SIVA1: variants seen among roughly 807,000 people sequenced by gnomAD.
SIVA1 encodes the protein SIVA1 apoptosis inducing factor.
In SIVA1, 10 loss-of-function variants were observed where a neutral mutation model predicts 19.7. The observed-to-expected ratio is 0.51, with a 90% CI of 0.31 to 0.86. The LOEUF (loss-of-function observed/expected upper bound fraction) is 0.86, where lower values mean the gene tolerates loss of function less well. SIVA1 is among the 40% of genes least tolerant of loss of function. SIVA1 has a pLI of 0.04. For synonymous variants in SIVA1, 130 were observed against 106.1 expected (o/e 1.23, Z -1.39); for missense variants, 241 against 245.2 (o/e 0.98, Z 0.11).
rs1892011018 is a variant in SIVA1, at chr14:104,759,402, C to T, written c.471-26C>T. The T allele has an allele frequency of 6.2e-7, 1 of 1,608,024 alleles. No homozygotes were observed. The highest frequency in any genetic ancestry group is 1.3e-5 in the African/African-American group (1 of 74,732). The stretch of plus-strand genomic sequence containing the variant: ...AATTCAGCCCCTGACAGCAGCTTTT[C>T]TCTCCCCTCCCTGACGCTGTCGCAG... On this transcript the variant is annotated intron_variant, in intron 3 of 3. Transcript: ENST00000329967. This position sits in a 1 kb window ranked among gnomAD's most constrained non-coding sequence, Gnocchi z 4.2.
chr14:104,755,558 A>G, intron 1 of SIVA1, 72 bp from the exon 2 acceptor site: 2 of 1,330,660 alleles, frequency 1.5e-6, no homozygotes, highest in South Asian at 1.2e-5. Flanking sequence ...TGAGGCTAGA[A>G]AGACTCAATG....
chr14:104,756,519 A>T (rs1393515391), intron 2 of SIVA1, 85 bp from the exon 3 acceptor site: 2 of 1,510,504 alleles, frequency 1.3e-6, no homozygotes, highest in African/African-American at 2.7e-5. Context: ...CTCTGCCCTC[A>T]GGTATGCATG....
chr14:104,754,577 C>T (rs1404285992), intron 1 of SIVA1, among the ~76,000 whole-genome samples: 2 of 152,178 alleles, frequency 1.3e-5, no homozygotes, highest in East Asian at 1.9e-4. Flanking sequence ...TGCCACTCAC[C>T]GGGTCAGGTC....
intron 3 of SIVA1, chr14:104,757,660 C>G (rs938066897): frequency 7.8e-5 from 12 of 153,328 alleles, no homozygotes; most frequent in African/African-American, 2.9e-4. Context: ...GATACTCTGT[C>G]TTTGCTTTTC....
chr14:104,753,418 C>A lies in SIVA1; in HGVS notation c.118+99C>A, dbSNP rs545679072. ...GAGGCCTGAGCGGGGGGCTGGAGGGCCCTGCTTTCTGGCCCCGCGTTCCCG... is the reference window on the plus strand; with the variant it reads ...GAGGCCTGAGCGGGGGGCTGGAGGGACCTGCTTTCTGGCCCCGCGTTCCCG... On this transcript the variant is annotated intron_variant, in intron 1 of 3. Coordinates refer to ENST00000329967, the MANE Select transcript of SIVA1 (RefSeq NM_006427.4). 1.1e-5 allele frequency: 9 copies of A among 800,556 alleles called. No homozygotes were observed. In the East Asian group the frequency reaches 2.1e-4, roughly 19 times the overall value. 49.6% of individuals were successfully genotyped at this position (800,556 alleles called of 1,614,324 possible). A position where few individuals can be genotyped will look rare whatever the true frequency, so the allele number is the denominator to read the frequency against.
At chr14:104,756,500 GTCAGAGCCCTCTGCCC>G in intron 2 of SIVA1, 88 bp from the exon 3 acceptor site, 1 of 1,375,140 alleles carries the variant, frequency 7.3e-7, no homozygotes, top group South Asian at 1.2e-5. Context: ...GGGTAGGCAG[GTCAGAGCCCTCTGCCC>G]TCAGGTATGC....
At chr14:104,753,660 G>C (rs1350561329) in intron 1 of SIVA1, 1 of 438,854 alleles carries the variant, frequency 2.3e-6, no homozygotes, top group African/African-American at 2.0e-5. Flanking sequence ...TCCCGTGCAG[G>C]ATGTCCTGGG....
At chr14:104,753,676 T>G in intron 1 of SIVA1, 1 of 428,612 alleles carries the variant, frequency 2.3e-6, no homozygotes, top group Non-Finnish European at 4.7e-6. Context: ...CTGGGAGAGG[T>G]TGGGGAGCGG....
At chr14:104,756,005 G>C in intron 2 of SIVA1, 181 bp downstream of exon 2, 1 of 714,254 alleles carries the variant, frequency 1.4e-6, no homozygotes, top group Non-Finnish European at 2.5e-6. Context: ...AAGACTGGAA[G>C]TTGTTAAACA....
rs748492382 is a variant in SIVA1 at position 104,755,708 on chromosome 14, A to G, written c.197A>G (p.His66Arg). Residue 66 changes from histidine to arginine, a missense_variant, in exon 2 of 4, where the codon CAC becomes CGC. Coordinates refer to ENST00000329967, the MANE Select transcript of SIVA1 (RefSeq NM_006427.4). ...HVWDEGCAVVHLPESPKPGPT... is the reference protein window; with the variant it reads ...HVWDEGCAVVRLPESPKPGPT... The stretch of plus-strand genomic sequence containing the variant: ...TGGGATGAAGGCTGTGCCGTCGTTC[A>G]CCTGCCAGAGTCCCCAAAGCCTGGC... The G allele has an allele frequency of 2.5e-6, 4 of 1,614,074 alleles. No homozygotes were observed. Among genetic ancestry groups the G allele is most frequent in the East Asian group, 4.5e-5 (2 of 44,878 alleles).
Position 104,759,258 on chromosome 14 carries a change from T to G in SIVA1, c.471-170T>G, listed in dbSNP as rs552049700. 5.3e-5 allele frequency: 28 copies of G among 524,324 alleles called. No individual in the cohort carries two copies. The highest frequency in any genetic ancestry group is 5.3e-4 in the Admixed American group (15 of 28,206). The allele number at this position is 524,324 out of a possible 1,614,324, so 32.5% of individuals were successfully genotyped here. A position where few individuals can be genotyped will look rare whatever the true frequency, so the allele number is the denominator to read the frequency against. ...TGGTCGTGTTGCCTTAGGGCCCCCA[T>G]GTCAGTGCCGTCATCTAGACTGATG... is the stretch of plus-strand genomic sequence containing the variant. On this transcript the variant is annotated intron_variant, in intron 3 of 3. Coordinates refer to ENST00000329967, the MANE Select transcript of SIVA1 (RefSeq NM_006427.4). This position sits in a 1 kb window ranked among gnomAD's most constrained non-coding sequence, Gnocchi z 4.2.
rs1259306408 is a variant in SIVA1 at position 104,754,789 on chromosome 14, G to A, written c.119-841G>A. The stretch of plus-strand genomic sequence containing the variant: ...TCCCCTTATAGATGGGGGAAGGTGT[G>A]GGGGGCCAGGAGGAAGGTGCAGGGT... On this transcript the variant is annotated intron_variant, in intron 1 of 3. Transcript: ENST00000329967. Among the ~76,000 whole-genome samples the A allele has an allele frequency of 2.0e-5, 3 of 152,180 alleles. No individual in the cohort carries two copies. The East Asian group carries it at 5.8e-4, about 29-fold the overall frequency.
chr14:104,753,519 G>T (rs1286505182), intron 1 of SIVA1, among the ~76,000 whole-genome samples, 200 bp downstream of exon 1: 1 of 152,208 alleles, frequency 6.6e-6, no homozygotes, highest in African/African-American at 2.4e-5. Context: ...GAGGACCCCA[G>T]CGTTCGCCCA....
intron 2 of SIVA1, chr14:104,756,341 G>A (rs572344064): frequency 1.8e-6 from 1 of 557,226 alleles, no homozygotes; most frequent in Admixed American, 3.1e-5. Flanking sequence ...CTAGCCTCCA[G>A]GTAGCAGAGG....
At chr14:104,756,904 G>A in intron 3 of SIVA1, 144 bp downstream of exon 3, 1 of 944,150 alleles carries the variant, frequency 1.1e-6, no homozygotes, top group Non-Finnish European at 1.5e-6. Flanking sequence ...AACGGGACAT[G>A]GTGGCAATAG....
chr14:104,756,620 G>A lies in SIVA1; in HGVS notation c.330G>A (p.Ala110=), dbSNP rs748059776. ...TCCTCACAGACCCATCTGGGGTAGC[G>A]TCCATTGCCTGTTCCTCATGCGTGC... The part of the protein sequence containing the change: ...QASEADPSGV[A]SIACSSCVRA... The change falls in exon 3 of 4, where the codon GCG becomes GCA. Residue 110 remains alanine (A), a synonymous_variant. Coordinates refer to ENST00000329967, the MANE Select transcript of SIVA1 (RefSeq NM_006427.4). 18 of 1,614,190 alleles carry A rather than the reference G, an allele frequency of 1.1e-5. No homozygotes were observed. Among genetic ancestry groups the A allele is most frequent in the Non-Finnish European group, 1.4e-5 (16 of 1,180,034 alleles).
In SIVA1 at chr14:104,755,679, C is replaced by T. The variant is rs752470152; in HGVS notation, c.168C>T (p.His56=). ...LFLGAQAYLD[H]VWDEGCAVVH... is the part of the protein sequence containing the mutation. The stretch of plus-strand genomic sequence containing the variant: ...TCGGGGCCCAGGCCTACCTGGACCA[C>T]GTGTGGGATGAAGGCTGTGCCGTCG... The change falls in exon 2 of 4, where the codon CAC becomes CAT. Residue 56 remains histidine (H), a synonymous_variant. Coordinates refer to ENST00000329967, the MANE Select transcript of SIVA1 (RefSeq NM_006427.4). 3.1e-6 allele frequency: 5 copies of T among 1,613,870 alleles called. No homozygotes were observed. The highest frequency in any genetic ancestry group is 3.3e-5 in the Admixed American group (2 of 59,986).
chr14:104,753,620 C>T (rs1891782275), intron 1 of SIVA1: 2 of 467,430 alleles, frequency 4.3e-6, no homozygotes, highest in East Asian at 4.2e-5. Context: ...CTGCAGTGAG[C>T]GGCACCCGCC....
Position 104,756,736 on chromosome 14 carries a change from C to A in SIVA1, c.446C>A (p.Ala149Asp). ...ACCTGCTGGGGCTGCGGCTCCGTGG[C>A]CTGTACCCTGTGTGGCCTCGTGGAG... ...VRTCWGCGSV[A>D]CTLCGLVDCS... The change falls in exon 3 of 4, where the codon GCC becomes GAC. Residue 149 changes from alanine (A) to aspartate (D), a missense_variant. By Grantham distance (126) the Ala-to-Asp change is moderately radical (BLOSUM62 -2). Transcript: ENST00000329967. The A allele has an allele frequency of 6.2e-7, 1 of 1,613,268 alleles. No homozygotes were observed. The highest frequency in any genetic ancestry group is 8.5e-7 in the Non-Finnish European group (1 of 1,179,482).
Sources: gnomAD v4.1 joint callset for allele counts (sites outside exome capture counted in the v4.1 genomes callset) on GRCh38, gnomAD v4.1.1 for gene constraint, Gnocchi (gnomAD v3.1) non-coding constraint, MANE v1.5 for transcripts, NCBI Gene and HGNC (gene_info 2026-07-23, HGNC 2026-07-21) for gene names.